The following RNF212 variants were observed in gnomAD, a reference collection of about 807,000 sequenced individuals.
RNF212 encodes the protein ring finger protein 212, also known as probable E3 SUMO-protein ligase RNF212.
In RNF212, 33 loss-of-function variants were observed where a neutral mutation model predicts 34.7. The observed-to-expected ratio is 0.95, with a 90% confidence interval of 0.72 to 1.27. RNF212 has a LOEUF of 1.27. Among genes scored for constraint, RNF212 ranks in the 50% most tolerant of loss-of-function variants. The probability of loss-of-function intolerance (pLI) is 0.00; values close to 1 mark genes in which losing one functional copy is unlikely to be tolerated. For synonymous variants in RNF212, 140 were observed against 136.1 expected, an observed-to-expected ratio of 1.03 and a Z score of -0.20; for missense variants, 377 against 362.2, an observed-to-expected ratio of 1.04 and a Z score of -0.33.
At chr4:1,110,086 C>T (rs921509717) in intron 1 of RNF212, among the ~76,000 whole-genome samples, 2 of 152,040 alleles carry the variant, frequency 1.3e-5, no homozygotes, top group Admixed American at 6.5e-5. Flanking sequence ...TTAACAGAGC[C>T]GACTCATAAA....
At position 1,081,896 on chromosome 4, in the gene RNF212, G is replaced by A. The variant is rs78372091; in HGVS notation, c.363-277C>T. 7.6e-3 allele frequency: 3,123 copies of A among 412,724 alleles called. 68 individuals carry two copies. Among genetic ancestry groups the A allele is most frequent in the African/African-American group, 0.056 (2,773 of 49,572 alleles). The allele number at this position is 412,724 out of a possible 1,614,324, so 25.6% of individuals were successfully genotyped here. On this transcript the variant is annotated intron_variant, in intron 5 of 9. Coordinates refer to ENST00000433731, the MANE Select transcript of RNF212 (RefSeq NM_001131034.4). Reference sequence around the variant, plus strand: ...CTGTCACTCAGCACATGGCCACTGCGGGTGTTAAAGGTGTGAAATTAAGAC... The same window carrying A: ...CTGTCACTCAGCACATGGCCACTGCAGGTGTTAAAGGTGTGAAATTAAGAC...
At chr4:1,073,558 G>A (rs753992267) in intron 9 of RNF212, 41 bp downstream of exon 9, 5 of 1,337,718 alleles carry the variant, frequency 3.7e-6, no homozygotes, top group East Asian at 2.3e-5. Context: ...CATTTTAATC[G>A]ATGCATGTAT....
chr4:1,068,556 T>C (rs1435371815), downstream of RNF212, among the ~76,000 whole-genome samples: 1 of 152,242 alleles, frequency 6.6e-6, no homozygotes, highest in Non-Finnish European at 1.5e-5. Flanking sequence ...AACAATACAG[T>C]GTTATCATTG....
chr4:1,091,971 T>G (rs1394296196), intron 3 of RNF212, among the ~76,000 whole-genome samples: 1 of 152,176 alleles, frequency 6.6e-6, no homozygotes, highest in African/African-American at 2.4e-5. Context: ...TTGTGCACAT[T>G]GCAGGCCATG....
chr4:1,081,315 G>A, intron 7 of RNF212, 104 bp downstream of exon 7: 1 of 957,948 alleles, frequency 1.0e-6, no homozygotes, highest in Non-Finnish European at 1.7e-6. Context: ...GTATGGATTA[G>A]CAAAATCTGG....
chr4:1,107,029 AAATATAATGTC>A (rs2153065301), intron 2 of RNF212, among the ~76,000 whole-genome samples: 1 of 152,300 alleles, frequency 6.6e-6, no homozygotes, highest in Admixed American at 6.5e-5. Flanking sequence ...AGTGTGCCCA[AAATATAATGTC>A]AACTGAGAAG....
intron 1 of RNF212, among the ~76,000 whole-genome samples, chr4:1,110,576 T>C (rs577642138): frequency 6.6e-6 from 1 of 152,334 alleles, no homozygotes; most frequent in Non-Finnish European, 1.5e-5. Context: ...TTAAGAATGA[T>C]GATACAGACT....
chr4:1,080,171 T>C (rs181251430), intron 7 of RNF212, among the ~76,000 whole-genome samples: 2 of 152,258 alleles, frequency 1.3e-5, no homozygotes, highest in Admixed American at 1.3e-4. Flanking sequence ...GAAAACATCA[T>C]AGGATTCATT....
chr4:1,090,529 A>T (rs575845941), intron 4 of RNF212, among the ~76,000 whole-genome samples: 1 of 152,164 alleles, frequency 6.6e-6, no homozygotes, highest in Non-Finnish European at 1.5e-5. Flanking sequence ...GGCTGAGGGG[A>T]TAAGTGTGGC....
At chr4:1,109,780 T>C (rs1366707615) in intron 1 of RNF212, among the ~76,000 whole-genome samples, 2 of 152,162 alleles carry the variant, frequency 1.3e-5, no homozygotes, top group African/African-American at 2.4e-5. Flanking sequence ...CCTTCCTTTC[T>C]GCCTTGGAGG....
At chr4:1,104,986 C>T (rs925504384) in intron 2 of RNF212, among the ~76,000 whole-genome samples, 1 of 152,142 alleles carries the variant, frequency 6.6e-6, no homozygotes, top group Non-Finnish European at 1.5e-5. Context: ...GCTCTGCCTT[C>T]TGGAGGAGCT....
intron 8 of RNF212, among the ~76,000 whole-genome samples, chr4:1,075,218 G>C (rs1015777498): frequency 6.6e-6 from 1 of 152,216 alleles, no homozygotes; most frequent in African/African-American, 2.4e-5. Flanking sequence ...CTGCCTACAC[G>C]CATGTTTGCT....
chr4:1,081,729 G>C (rs1720384977), intron 5 of RNF212, 110 bp from the exon 6 acceptor site: 2 of 786,972 alleles, frequency 2.5e-6, no homozygotes, highest in Admixed American at 4.4e-5. Context: ...TGTTCTTACT[G>C]GGTTTGCAAA....
At chr4:1,065,651 G>A (rs1718044455) in intron 3 of RNF212, among the ~76,000 whole-genome samples, 1 of 152,020 alleles carries the variant, frequency 6.6e-6, no homozygotes, top group African/African-American at 2.4e-5. Context: ...TAGAGAGGGG[G>A]TTTTGCCCAG....
chr4:1,073,732 G>C, intron 8 of RNF212, 70 bp from the exon 9 acceptor site: 1 of 998,512 alleles, frequency 1.0e-6, no homozygotes, highest in Non-Finnish European at 1.6e-6. Flanking sequence ...GACTCCCACT[G>C]TCTGTTAGGA....
chr4:1,058,312 G>GTTAGAACGCTGA (rs1296586766), intron 4 of RNF212: 1 of 718,152 alleles, frequency 1.4e-6, no homozygotes, highest in African/African-American at 2.2e-5. Context: ...GCTTGCGGGG[G>GTTAGAACGCTGA]GGCACTACCT....
intron 4 of RNF212, chr4:1,058,284 GAAC>G: frequency 9.6e-5 from 65 of 674,886 alleles, no homozygotes; most frequent in South Asian, 1.3e-4. Flanking sequence ...GCGGGGGTTA[GAAC>G]GCAGTGAAGA....
intron 8 of RNF212, among the ~76,000 whole-genome samples, chr4:1,078,047 A>T (rs566781337): frequency 1.7e-4 from 26 of 151,368 alleles, no homozygotes; most frequent in African/African-American, 6.1e-4. Context: ...TCTTATTCTG[A>T]CTCCGGGTCC....
At chr4:1,095,124 AGC>A (rs1722850555) in intron 3 of RNF212, among the ~76,000 whole-genome samples, 11 of 149,058 alleles carry the variant, frequency 7.4e-5, no homozygotes, top group South Asian at 2.1e-4. Context: ...GTCTCAGGAT[AGC>A]GCACCTGGCT....
Sources: gnomAD v4.1 joint callset for allele counts (sites outside exome capture counted in the v4.1 genomes callset) on GRCh38, gnomAD v4.1.1 for gene constraint, MANE v1.5 for transcripts, NCBI Gene and HGNC (gene_info 2026-07-23, HGNC 2026-07-21) for gene names.